Variants in RTKN2 observed in about 807,000 individuals in gnomAD.
RTKN2 encodes rhotekin 2, also known as rhotekin-2.
In RTKN2, 69 loss-of-function variants were observed where a neutral mutation model predicts 71.5. That is an observed-to-expected ratio of 0.96 (90% CI 0.79 to 1.18). RTKN2 has a LOEUF of 1.18. RTKN2 is among the 50% of genes most tolerant of loss of function. The pLI, the probability that RTKN2 is intolerant of heterozygous loss-of-function variation, is 0.00. For synonymous variants in RTKN2, 236 were observed against 236.5 expected (o/e 1.00, Z 0.02); for missense variants, 724 against 719.7 (o/e 1.01, Z -0.07).
At chr10:62,218,900 C>T (rs1172025789) in intron 7 of RTKN2, among the ~76,000 whole-genome samples, 4 of 152,086 alleles carry the variant, frequency 2.6e-5, no homozygotes, top group African/African-American at 9.7e-5. Context: ...GCCGAAGAAT[C>T]GCTTGAGCCC....
At position 62,193,992 on chromosome 10, in the gene RTKN2, A is replaced by G; in HGVS notation, c.*3916T>C. 2 of 985,194 alleles carry G rather than the reference A, an allele frequency of 2.0e-6. No homozygotes were observed. Among genetic ancestry groups the G allele is most frequent in the Non-Finnish European group, 2.4e-6 (2 of 829,734 alleles). The allele number at this position is 985,194 out of a possible 1,614,324, so 61.0% of individuals were successfully genotyped here. ...GAGCACTTAAAGAGAAAAAGTTAGA[A>G]AACGTCTTCATGAATCAGTTCTTTT... On this transcript the variant is annotated 3_prime_UTR_variant, in exon 12 of 12. Transcript: ENST00000373789.
intron 6 of RTKN2, among the ~76,000 whole-genome samples, chr10:62,226,230 G>A (rs1842020968): frequency 6.6e-6 from 1 of 152,104 alleles, no homozygotes; most frequent in African/African-American, 2.4e-5. Flanking sequence ...GATGTCTGAT[G>A]GGAATTTATA....
At chr10:62,190,371 CTTAA>C (rs934754659), downstream of RTKN2, among the ~76,000 whole-genome samples, 1 of 152,178 alleles carries the variant, frequency 6.6e-6, no homozygotes, top group Non-Finnish European at 1.5e-5. Context: ...GAGCAAGTTA[CTTAA>C]TTGTTTTGTG....
chr10:62,234,088 C>T (rs1394102831), intron 6 of RTKN2, among the ~76,000 whole-genome samples: 1 of 152,124 alleles, frequency 6.6e-6, no homozygotes, highest in African/African-American at 2.4e-5. Context: ...GAAAGGGGAA[C>T]ATCTTACTGT....
intron 1 of RTKN2, among the ~76,000 whole-genome samples, chr10:62,267,535 C>T (rs1231949407): frequency 1.3e-5 from 2 of 152,160 alleles, no homozygotes; most frequent in Non-Finnish European, 2.9e-5. Flanking sequence ...TGGCATAAAA[C>T]AGCATAAGTA....
At chr10:62,246,858 G>T (rs769287) in intron 2 of RTKN2, among the ~76,000 whole-genome samples, 25 of 150,596 alleles carry the variant, frequency 1.7e-4, no homozygotes, top group Non-Finnish European at 3.4e-4. Flanking sequence ...ATCTGAAGTT[G>T]GAATATTTTA....
Position 62,217,190 on chromosome 10 carries a change from T to A in RTKN2, c.948A>T (p.Lys316Asn), listed in dbSNP as rs770187136. 6.2e-7 allele frequency: 1 copy of A among 1,605,394 alleles called. No homozygotes were observed. Residue 316 changes from lysine (K) to asparagine (N), a missense_variant, in exon 9 of 12, where the codon AAA becomes AAT. Transcript: ENST00000373789. ...CCTCTGGACTGTAAAAACAATAGAG[T>A]TTACCTCCTCGCAAAACACAATACA... ...RRLYCVLRGGKLYCFYSPEEI... is the reference protein window; with the variant it reads ...RRLYCVLRGGNLYCFYSPEEI...
chr10:62,268,681 G>T lies in RTKN2; in HGVS notation c.-71C>A. 6.8e-7 allele frequency: 1 copy of T among 1,475,572 alleles called. No individual in the cohort carries two copies. The highest frequency in any genetic ancestry group is 2.5e-5 in the East Asian group (1 of 39,852). 91.4% of individuals were successfully genotyped at this position (1,475,572 alleles called of 1,614,324 possible). On this transcript the variant is annotated 5_prime_UTR_variant, in exon 1 of 12. Coordinates refer to ENST00000373789, the MANE Select transcript of RTKN2 (RefSeq NM_145307.4). ...GATTTGAAAAGCCCGCCCCTGGCAGGAGCCGCAGAGGACGCCAACCGCCCG... is the reference window on the plus strand; with the variant it reads ...GATTTGAAAAGCCCGCCCCTGGCAGTAGCCGCAGAGGACGCCAACCGCCCG...
At chr10:62,227,083 A>G (rs1270075243) in intron 6 of RTKN2, among the ~76,000 whole-genome samples, 1 of 152,234 alleles carries the variant, frequency 6.6e-6, no homozygotes, top group Non-Finnish European at 1.5e-5. Context: ...AGAAAAGATT[A>G]TCGACAATAA....
rs1841315620 is a variant in RTKN2, at chr10:62,195,682, T to C, written c.*2226A>G. The C allele has an allele frequency of 4.1e-6, 4 of 977,768 alleles. No homozygotes were observed. Among genetic ancestry groups the C allele is most frequent in the Non-Finnish European group, 4.8e-6 (4 of 824,904 alleles). 60.6% of individuals were successfully genotyped at this position (977,768 alleles called of 1,614,324 possible). Reference sequence around the variant, plus strand: ...AGGAAGGAAGGAAGGAAACCAACTCTGTATTATAACTACACTCCTTAGGTA... The same window carrying C: ...AGGAAGGAAGGAAGGAAACCAACTCCGTATTATAACTACACTCCTTAGGTA... On this transcript the variant is annotated 3_prime_UTR_variant, in exon 12 of 12. Coordinates refer to ENST00000373789, the MANE Select transcript of RTKN2 (RefSeq NM_145307.4).
At chr10:62,255,496 G>A (rs886874481) in intron 2 of RTKN2, among the ~76,000 whole-genome samples, 1 of 152,182 alleles carries the variant, frequency 6.6e-6, no homozygotes, top group East Asian at 1.9e-4. Flanking sequence ...ATCCAGGAAT[G>A]GAGAGACTAA....
At chr10:62,263,424 G>A (rs1418675104) in intron 1 of RTKN2, among the ~76,000 whole-genome samples, 1 of 152,182 alleles carries the variant, frequency 6.6e-6, no homozygotes, top group Non-Finnish European at 1.5e-5. Context: ...GATTTCAGAC[G>A]TCTGGCCTCC....
intron 6 of RTKN2, among the ~76,000 whole-genome samples, chr10:62,231,284 C>A (rs148888602): frequency 0.019 from 2,941 of 152,174 alleles, 39 homozygotes; most frequent in Middle Eastern, 0.031. Context: ...TATCAAGGAA[C>A]ATAAAATAGT....
At chr10:62,204,631 A>G (rs1841510536) in intron 10 of RTKN2, among the ~76,000 whole-genome samples, 1 of 152,184 alleles carries the variant, frequency 6.6e-6, no homozygotes, top group East Asian at 1.9e-4. Flanking sequence ...GAGCTTCAAA[A>G]AGTAGGAGGT....
intron 6 of RTKN2, among the ~76,000 whole-genome samples, chr10:62,225,147 C>T (rs1343713814): frequency 6.6e-6 from 1 of 152,200 alleles, no homozygotes; most frequent in Non-Finnish European, 1.5e-5. Flanking sequence ...ACCTGCATCC[C>T]TAAGATGTCT....
intron 2 of RTKN2, among the ~76,000 whole-genome samples, chr10:62,258,473 G>A (rs73287027): frequency 2.8e-4 from 43 of 152,166 alleles, no homozygotes; most frequent in African/African-American, 1.0e-3. Context: ...TCTAATAAAA[G>A]CTTACTTCTT....
At chr10:62,216,274 T>G (rs1841767603) in intron 9 of RTKN2, among the ~76,000 whole-genome samples, 3 of 151,996 alleles carry the variant, frequency 2.0e-5, no homozygotes. Context: ...GGCTCATGTT[T>G]TATCACACAC....
In RTKN2 at chr10:62,197,777, T is replaced by C. The variant is rs1841357695; in HGVS notation, c.*131A>G. The C allele has an allele frequency of 1.9e-5, 27 of 1,418,856 alleles. No individual in the cohort carries two copies. Among genetic ancestry groups the C allele is most frequent in the East Asian group, 7.6e-5 (3 of 39,406 alleles). The allele number at this position is 1,418,856 out of a possible 1,614,324, so 87.9% of individuals were successfully genotyped here. A position where few individuals can be genotyped will look rare whatever the true frequency, so the allele number is the denominator to read the frequency against. On this transcript the variant is annotated 3_prime_UTR_variant, in exon 12 of 12. Coordinates refer to ENST00000373789, the MANE Select transcript of RTKN2 (RefSeq NM_145307.4). ...TTCTTCATTATAAAATGTTTTTCTA[T>C]ACCTAATAGCTTATTAATTATTGGT...
chr10:62,226,080 C>G (rs1317100285), intron 6 of RTKN2, among the ~76,000 whole-genome samples: 1 of 152,136 alleles, frequency 6.6e-6, no homozygotes, highest in African/African-American at 2.4e-5. Flanking sequence ...CTGCGCCCGG[C>G]AACAACTGTA....
Sources: allele counts gnomAD v4.1 joint callset (sites outside exome capture counted in the v4.1 genomes callset), GRCh38; gene constraint gnomAD v4.1.1; transcripts MANE v1.5; gene names NCBI Gene and HGNC (gene_info 2026-07-23, HGNC 2026-07-21).